Variants in CNTNAP2 observed in about 807,000 individuals in gnomAD.
CNTNAP2 encodes contactin associated protein 2.
A neutral mutation model predicts 155.2 loss-of-function variants in CNTNAP2; 98 were observed. The ratio of observed to expected loss-of-function variants is 0.63; its 90% CI spans 0.54 to 0.75. The LOEUF (loss-of-function observed/expected upper bound fraction) is 0.75. CNTNAP2 is among the 30% of genes least tolerant of loss of function. The pLI is 0.00. For missense variants in CNTNAP2, 1,727 were observed against 1,688.1 expected (o/e 1.02, Z -0.40); for synonymous variants, 651 against 631.2 (o/e 1.03, Z -0.47).
chr7:148,246,792 G>T (rs1347819355), intron 20 of CNTNAP2, among the ~76,000 whole-genome samples: 4 of 152,162 alleles, frequency 2.6e-5, no homozygotes. Flanking sequence ...ATGACTCAGT[G>T]GTAGAAAGTG....
chr7:146,680,792 A>G (rs900215997), intron 1 of CNTNAP2, among the ~76,000 whole-genome samples: 8 of 152,204 alleles, frequency 5.3e-5, no homozygotes, highest in Non-Finnish European at 8.8e-5. Flanking sequence ...TGGATCCGGG[A>G]CATACTAGAA....
At chr7:147,521,226 C>T (rs1184788957) in intron 11 of CNTNAP2, among the ~76,000 whole-genome samples, 1 of 152,156 alleles carries the variant, frequency 6.6e-6, no homozygotes, top group African/African-American at 2.4e-5. Context: ...AATTTGCCTG[C>T]TTCGGTGTAG....
chr7:147,870,541 T>C (rs1199792772), intron 13 of CNTNAP2, among the ~76,000 whole-genome samples: 1 of 152,152 alleles, frequency 6.6e-6, no homozygotes, highest in Non-Finnish European at 1.5e-5. Context: ...ATGTTACTGG[T>C]CCCACAGCTG....
intron 10 of CNTNAP2, among the ~76,000 whole-genome samples, chr7:147,461,403 G>A (rs1798022854): frequency 6.6e-6 from 1 of 151,866 alleles, no homozygotes; most frequent in African/African-American, 2.4e-5. Flanking sequence ...CCTCTAACCA[G>A]GATCAAATTA....
chr7:146,868,046 T>G (rs2129206665), intron 3 of CNTNAP2, among the ~76,000 whole-genome samples: 1 of 152,328 alleles, frequency 6.6e-6, no homozygotes, highest in South Asian at 2.1e-4. Context: ...TTGTCAATTT[T>G]TTCTTTTCTT....
chr7:148,029,125 G>T (rs116941872), intron 15 of CNTNAP2, among the ~76,000 whole-genome samples: 1,620 of 152,160 alleles, frequency 0.011, 48 homozygotes, highest in East Asian at 0.083. Context: ...TCTCTTAGGA[G>T]ATGTTAATTT....
At chr7:146,358,185 C>G (rs1249161566) in intron 1 of CNTNAP2, among the ~76,000 whole-genome samples, 1 of 152,108 alleles carries the variant, frequency 6.6e-6, no homozygotes, top group East Asian at 1.9e-4. Context: ...CAGGTGCCCG[C>G]CACCATGCCC....
At chr7:147,728,320 A>C (rs1796679919) in intron 13 of CNTNAP2, among the ~76,000 whole-genome samples, 1 of 152,090 alleles carries the variant, frequency 6.6e-6, no homozygotes, top group African/African-American at 2.4e-5. Context: ...GAAGTTCGGA[A>C]GTTGTCAGGC....
chr7:147,526,998 A>G (rs1799334019), intron 11 of CNTNAP2, among the ~76,000 whole-genome samples: 1 of 129,602 alleles, frequency 7.7e-6, no homozygotes. Flanking sequence ...TCCATGAATT[A>G]TGGAAGACAG....
At chr7:146,853,763 G>T (rs1291173264) in intron 3 of CNTNAP2, among the ~76,000 whole-genome samples, 3 of 152,000 alleles carry the variant, frequency 2.0e-5, no homozygotes, top group Non-Finnish European at 4.4e-5. Flanking sequence ...CCTGTTAAAT[G>T]CTGGGTCTCA....
chr7:146,943,924 G>A (rs546079648), intron 3 of CNTNAP2, among the ~76,000 whole-genome samples: 143 of 152,240 alleles, frequency 9.4e-4, no homozygotes, highest in African/African-American at 3.3e-3. Flanking sequence ...CACCGCAATA[G>A]CAGTAACTAT....
intron 4 of CNTNAP2, among the ~76,000 whole-genome samples, chr7:147,069,065 G>A (rs928362916): frequency 6.6e-6 from 1 of 152,076 alleles, no homozygotes; most frequent in Non-Finnish European, 1.5e-5. Flanking sequence ...GAAGTGCCAG[G>A]CCATTTTTAA....
chr7:147,695,726 C>A (rs183562153), intron 13 of CNTNAP2, among the ~76,000 whole-genome samples: 1 of 152,048 alleles, frequency 6.6e-6, no homozygotes, highest in East Asian at 1.9e-4. Flanking sequence ...CTCTTGAACC[C>A]GGGAGGCGAA....
intron 1 of CNTNAP2, among the ~76,000 whole-genome samples, chr7:146,230,303 G>T (rs1799362918): frequency 6.6e-6 from 1 of 152,114 alleles, no homozygotes; most frequent in African/African-American, 2.4e-5. Flanking sequence ...AGCAGTGCCT[G>T]GCAGGAACAG....
At chr7:147,501,549 G>T (rs982291595) in intron 11 of CNTNAP2, among the ~76,000 whole-genome samples, 2 of 152,126 alleles carry the variant, frequency 1.3e-5, no homozygotes, top group East Asian at 3.9e-4. Flanking sequence ...ATGCAATTTG[G>T]TGTACTTCAA....
intron 12 of CNTNAP2, among the ~76,000 whole-genome samples, chr7:147,589,900 C>G (rs1800705496): frequency 6.6e-6 from 1 of 152,146 alleles, no homozygotes; most frequent in African/African-American, 2.4e-5. Context: ...TATGGACTTT[C>G]ACCAGCAGCG....
At chr7:147,615,943 G>T (rs1007821888) in intron 12 of CNTNAP2, among the ~76,000 whole-genome samples, 3 of 152,000 alleles carry the variant, frequency 2.0e-5, no homozygotes, top group Non-Finnish European at 2.9e-5. Context: ...GGTCTACCTA[G>T]TCTTGGTCTC....
intron 8 of CNTNAP2, among the ~76,000 whole-genome samples, chr7:147,280,497 A>C (rs1237361102): frequency 1.3e-5 from 2 of 151,908 alleles, no homozygotes; most frequent in Admixed American, 1.3e-4. Flanking sequence ...AATGATGTTC[A>C]GCTTAGGGTT....
At chr7:146,193,861 C>A (rs1798741258) in intron 1 of CNTNAP2, among the ~76,000 whole-genome samples, 1 of 152,136 alleles carries the variant, frequency 6.6e-6, no homozygotes, top group Admixed American at 6.6e-5. Flanking sequence ...ACTTTGCCAC[C>A]TTAGAAATTT....
Sources: allele counts gnomAD v4.1 joint callset (sites outside exome capture counted in the v4.1 genomes callset), GRCh38; gene constraint gnomAD v4.1.1; transcripts MANE v1.5; gene names NCBI Gene and HGNC (gene_info 2026-07-23, HGNC 2026-07-21).